The following MAP3K13 variants were observed in gnomAD, a reference collection of about 807,000 sequenced individuals.
MAP3K13 encodes mitogen-activated protein kinase kinase kinase 13, also known as leucine zipper-bearing kinase.
Under a neutral mutation model 104.0 loss-of-function variants are expected in MAP3K13, and 52 were observed. The ratio of observed to expected loss-of-function variants is 0.50; its 90% CI spans 0.40 to 0.63. The LOEUF (loss-of-function observed/expected upper bound fraction) is 0.63, where lower values mean the gene tolerates loss of function less well. MAP3K13 is among the 20% of genes least tolerant of loss of function. The pLI is 0.00. For synonymous variants in MAP3K13, 394 were observed against 442.2 expected (o/e 0.89, Z 1.37); for missense variants, 914 against 1,218.5 (o/e 0.75, Z 3.72).
Position 185,285,040 on chromosome 3 carries a change from G to T in MAP3K13, c.-204-485G>T, listed in dbSNP as rs546053261. On this transcript the variant is annotated intron_variant, in intron 1 of 14. Coordinates refer to the MAP3K13 transcript ENST00000424227. Reference sequence around the variant, plus strand: ...GAATTTATGTCATACGGGTGTGTGTGTGTGTGTGTGTGTTTTACAAAGATG... The same window carrying T: ...GAATTTATGTCATACGGGTGTGTGTTTGTGTGTGTGTGTTTTACAAAGATG... Among the ~76,000 whole-genome samples the T allele has an allele frequency of 2.6e-5, 4 of 152,202 alleles. No individual in the cohort carries two copies. In the South Asian group the frequency reaches 8.3e-4, roughly 32 times the overall value.
chr3:185,408,826 G>C (rs1713267265), intron 1 of MAP3K13, among the ~76,000 whole-genome samples: 1 of 152,074 alleles, frequency 6.6e-6, no homozygotes, highest in Non-Finnish European at 1.5e-5. Context: ...AATATACCAG[G>C]CTTCATTACG....
chr3:185,318,544 TA>T (rs1197102277), intron 2 of MAP3K13, among the ~76,000 whole-genome samples: 1 of 152,252 alleles, frequency 6.6e-6, no homozygotes, highest in Non-Finnish European at 1.5e-5. Context: ...CATTTAATGT[TA>T]AAATTCTCAC....
rs1716170520 is a variant in MAP3K13 at position 185,454,465 on chromosome 3, T to TATATATC, written c.1278+3076_1278+3077insCATATAT. Reference sequence around the variant, plus strand: ...AGATATATATATGAGATATATATGATATATATATGAGATATATATGATATA... The same window carrying TATATATC: ...AGATATATATATGAGATATATATGATATATATCATATATATGAGATATATATGATATA... On this transcript the variant is annotated intron_variant, in intron 7 of 13. Transcript: ENST00000265026. Among the ~76,000 whole-genome samples the TATATATC allele has an allele frequency of 8.4e-5, 7 of 83,598 alleles. 1 individual carries two copies. The highest frequency in any genetic ancestry group is 3.3e-4 in the African/African-American group (7 of 21,158). 54.8% of individuals were successfully genotyped at this position (83,598 alleles called of 152,430 possible). A position where few individuals can be genotyped will look rare whatever the true frequency, so the allele number is the denominator to read the frequency against.
chr3:185,348,789 C>T (rs1427050030), intron 2 of MAP3K13, among the ~76,000 whole-genome samples: 2 of 152,064 alleles, frequency 1.3e-5, no homozygotes, highest in Admixed American at 6.6e-5. Flanking sequence ...TGGTGGCGGG[C>T]GCCTGTAGTC....
At chr3:185,362,803 A>G (rs1368622443), upstream of MAP3K13, among the ~76,000 whole-genome samples, 3 of 152,192 alleles carry the variant, frequency 2.0e-5, no homozygotes, top group Admixed American at 6.5e-5. Flanking sequence ...TGAAGAAAAG[A>G]GTTCTAATGA....
At chr3:185,316,860 A>G (rs1721696533) in intron 2 of MAP3K13, among the ~76,000 whole-genome samples, 1 of 152,174 alleles carries the variant, frequency 6.6e-6, no homozygotes, top group African/African-American at 2.4e-5. Flanking sequence ...GATAGGAAAC[A>G]TTGTGAGCTT....
intron 1 of MAP3K13, among the ~76,000 whole-genome samples, chr3:185,412,408 C>T (rs1207091992): frequency 6.6e-6 from 1 of 152,108 alleles, no homozygotes; most frequent in Non-Finnish European, 1.5e-5. Flanking sequence ...GATCCTTTAG[C>T]AGTCTGCAAA....
At chr3:185,352,409 A>G (rs760177469) in intron 2 of MAP3K13, among the ~76,000 whole-genome samples, 1 of 151,870 alleles carries the variant, frequency 6.6e-6, no homozygotes, top group Non-Finnish European at 1.5e-5. Flanking sequence ...GTGCCATTGC[A>G]CTCCACCCTG....
intron 2 of MAP3K13, among the ~76,000 whole-genome samples, chr3:185,334,080 A>G (rs1263054683): frequency 7.9e-5 from 12 of 152,094 alleles, no homozygotes; most frequent in African/African-American, 2.7e-4. Context: ...AATAAGAAAA[A>G]ATACCTAACA....
chr3:185,480,387 A>G lies in MAP3K13; in HGVS notation c.2657A>G (p.Asp886Gly), dbSNP rs766984730. 1 of 1,614,090 alleles carries G rather than the reference A, an allele frequency of 6.2e-7. No homozygotes were observed. Among genetic ancestry groups the G allele is most frequent in the Non-Finnish European group, 8.5e-7 (1 of 1,180,040 alleles). ...GAAGACCGCTTGGCAGAGAAGCTAG[A>G]CGACCTGCTGTCCCAGACGCCAGAG... ...KLEDRLAEKLDDLLSQTPEIP... is the reference protein window; with the variant it reads ...KLEDRLAEKLGDLLSQTPEIP... The change falls in exon 13 of 14, where the codon GAC becomes GGC. Residue 886 changes from aspartate to glycine, a missense_variant. By Grantham distance (94) the Asp-to-Gly change is moderately conservative. Coordinates refer to ENST00000265026, the MANE Select transcript of MAP3K13 (RefSeq NM_004721.5).
chr3:185,297,966 CT>C (rs879453538), intron 2 of MAP3K13, among the ~76,000 whole-genome samples: 376 of 141,376 alleles, frequency 2.7e-3, no homozygotes, highest in South Asian at 3.4e-3. Context: ...CTAATTCTGT[CT>C]TTTTTTTTTT....
At chr3:185,472,778 T>C (rs1490564780) in intron 10 of MAP3K13, among the ~76,000 whole-genome samples, 197 bp from the exon 11 acceptor site, 1 of 152,198 alleles carries the variant, frequency 6.6e-6, no homozygotes, top group Non-Finnish European at 1.5e-5. Flanking sequence ...GCAAAAAATT[T>C]TGAGATCCAT....
In MAP3K13 at chr3:185,423,111, G is replaced by A. The variant is rs1201952264; in HGVS notation, c.-85-5386G>A. On this transcript the variant is annotated intron_variant, in intron 1 of 13. Coordinates refer to ENST00000265026, the MANE Select transcript of MAP3K13 (RefSeq NM_004721.5). This position sits in a 1 kb window ranked among gnomAD's most constrained non-coding sequence, Gnocchi z 4.1. ...TCTAGTTGCAGGAAAACAAGCTCAGGGCTCCCACTGATTCTACATTATAGT... is the reference window on the plus strand; with the variant it reads ...TCTAGTTGCAGGAAAACAAGCTCAGAGCTCCCACTGATTCTACATTATAGT... Among the ~76,000 whole-genome samples the A allele has an allele frequency of 3.3e-5, 5 of 152,064 alleles. No individual in the cohort carries two copies. Among genetic ancestry groups the A allele is most frequent in the African/African-American group, 9.7e-5 (4 of 41,402 alleles).
chr3:185,456,916 A>G (rs1244715755), intron 7 of MAP3K13, among the ~76,000 whole-genome samples: 1 of 152,060 alleles, frequency 6.6e-6, no homozygotes, highest in African/African-American at 2.4e-5. Context: ...TGCTTCCTTT[A>G]CAATAAAACT....
intron 2 of MAP3K13, among the ~76,000 whole-genome samples, chr3:185,353,862 C>T (rs1169147484): frequency 1.3e-5 from 2 of 152,142 alleles, no homozygotes; most frequent in Non-Finnish European, 1.5e-5. Flanking sequence ...CAAGGTCTAC[C>T]TCCTTGTTGA....
chr3:185,343,220 A>T (rs1050233420), intron 2 of MAP3K13, among the ~76,000 whole-genome samples: 1 of 152,296 alleles, frequency 6.6e-6, no homozygotes, highest in Middle Eastern at 3.4e-3. Context: ...AGCAAGTATT[A>T]CACTCAAAGA....
At position 185,480,304 on chromosome 3, in the gene MAP3K13, A is replaced by C; in HGVS notation, c.2574A>C (p.Gly858=). 6.2e-7 allele frequency: 1 copy of C among 1,614,142 alleles called. No individual in the cohort carries two copies. Among genetic ancestry groups the C allele is most frequent in the Non-Finnish European group, 8.5e-7 (1 of 1,180,030 alleles). ...FSSENFSVSD[G]EEGNTSDHSN... ...CTGAGAATTTCTCTGTGTCTGATGG[A>C]GAAGAGGGAAATACCAGTGACCACT... Residue 858 remains glycine, a synonymous_variant, in exon 13 of 14, where the codon GGA becomes GGC. Transcript: ENST00000265026.
chr3:185,472,934 G>A (rs748275896), intron 10 of MAP3K13, 41 bp from the exon 11 acceptor site: 1 of 1,570,070 alleles, frequency 6.4e-7, no homozygotes, highest in South Asian at 1.2e-5. Context: ...ACTTGAATGT[G>A]TTTTCATGTG....
At chr3:185,323,310 G>T (rs996118437) in intron 2 of MAP3K13, among the ~76,000 whole-genome samples, 2 of 148,710 alleles carry the variant, frequency 1.3e-5, no homozygotes, top group African/African-American at 5.0e-5. Flanking sequence ...CTAATCCAGC[G>T]TACCACATTA....
Sources: allele counts gnomAD v4.1 joint callset (sites outside exome capture counted in the v4.1 genomes callset), GRCh38; gene constraint gnomAD v4.1.1; non-coding constraint Gnocchi (gnomAD v3.1); transcripts MANE v1.5; gene names NCBI Gene and HGNC (gene_info 2026-07-23, HGNC 2026-07-21).